NRXN3: variants seen among roughly 807,000 people sequenced by gnomAD.
NRXN3 encodes neurexin III.
NRXN3 carries 32 observed loss-of-function variants against 137.6 expected under a neutral mutation model. The observed-to-expected ratio is 0.23, with a 90% CI of 0.18 to 0.31. The LOEUF (loss-of-function observed/expected upper bound fraction) is 0.31. Among genes scored for constraint, NRXN3 ranks in the 10% least tolerant of loss-of-function variants. NRXN3 has a pLI of 1.00. For synonymous variants in NRXN3, 798 were observed against 784.5 expected (o/e 1.02, Z -0.29); for missense variants, 1,574 against 2,062.5 (o/e 0.76, Z 4.59).
chr14:79,648,742 A>G (rs1005297103), intron 16 of NRXN3, among the ~76,000 whole-genome samples: 3 of 152,066 alleles, frequency 2.0e-5, no homozygotes, highest in Admixed American at 6.6e-5. Context: ...CCAGTATGCA[A>G]TGACTACTCA....
intron 15 of NRXN3, among the ~76,000 whole-genome samples, chr14:79,241,726 G>T (rs1418658885): frequency 5.9e-5 from 9 of 152,102 alleles, no homozygotes. Flanking sequence ...ATTACTTGAG[G>T]ATTTATCTTG....
chr14:78,233,915 C>G (rs748606043), intron 1 of NRXN3, among the ~76,000 whole-genome samples: 29 of 152,182 alleles, frequency 1.9e-4, no homozygotes, highest in Non-Finnish European at 3.7e-4. Context: ...TTAGCTGTGT[C>G]CCCACCCAAA....
chr14:79,798,283 T>C (rs914437423), intron 19 of NRXN3, among the ~76,000 whole-genome samples: 9 of 152,182 alleles, frequency 5.9e-5, no homozygotes, highest in African/African-American at 1.9e-4. Context: ...ATTAGGTAAT[T>C]GAAAAACTCA....
intron 4 of NRXN3, among the ~76,000 whole-genome samples, chr14:78,436,510 A>C (rs1203022601): frequency 6.6e-6 from 1 of 152,176 alleles, no homozygotes; most frequent in African/African-American, 2.4e-5. Context: ...TTATTCCAGC[A>C]GTTTACTCTA....
chr14:78,303,264 A>G (rs2077045935), intron 4 of NRXN3, among the ~76,000 whole-genome samples: 1 of 152,048 alleles, frequency 6.6e-6, no homozygotes, highest in African/African-American at 2.4e-5. Flanking sequence ...TTTTCCTTGA[A>G]TGCTCCATTC....
At chr14:78,979,116 G>C (rs113174459) in intron 14 of NRXN3, among the ~76,000 whole-genome samples, 61 of 152,056 alleles carry the variant, frequency 4.0e-4, no homozygotes, top group African/African-American at 1.4e-3. Context: ...CTCACACTGG[G>C]GACCATCTGC....
intron 16 of NRXN3, among the ~76,000 whole-genome samples, chr14:79,474,812 GAAGAAGGAAGAGAGGGA>G (rs1292441730): frequency 1.3e-5 from 2 of 152,008 alleles, no homozygotes; most frequent in East Asian, 3.9e-4. Context: ...GGAAAGAAGA[GAAGAAGGAAGAGAGGGA>G]AAGAGGAGGA....
chr14:79,811,476 T>G (rs1267725144), intron 20 of NRXN3, among the ~76,000 whole-genome samples: 1 of 152,188 alleles, frequency 6.6e-6, no homozygotes, highest in Non-Finnish European at 1.5e-5. Flanking sequence ...GATCTATAAA[T>G]GAATATAGTA....
At chr14:79,548,116 C>G (rs138180574) in intron 16 of NRXN3, among the ~76,000 whole-genome samples, 1 of 151,940 alleles carries the variant, frequency 6.6e-6, no homozygotes, top group African/African-American at 2.4e-5. Context: ...TATACATATG[C>G]CATGGTGGTT....
intron 15 of NRXN3, among the ~76,000 whole-genome samples, chr14:79,263,370 C>T (rs1319468329): frequency 6.6e-6 from 1 of 151,476 alleles, no homozygotes; most frequent in African/African-American, 2.4e-5. Context: ...AGGAAGACAT[C>T]CCTCTGCCCT....
At chr14:78,409,247 C>T (rs2092684433) in intron 4 of NRXN3, among the ~76,000 whole-genome samples, 1 of 152,182 alleles carries the variant, frequency 6.6e-6, no homozygotes, top group Admixed American at 6.5e-5. Flanking sequence ...ATGCTAGGTA[C>T]CATTCTATGT....
intron 4 of NRXN3, among the ~76,000 whole-genome samples, chr14:78,320,105 G>A (rs995474598): frequency 6.6e-6 from 1 of 152,132 alleles, no homozygotes; most frequent in East Asian, 1.9e-4. Context: ...GTGTCTTCAG[G>A]GATGCTGTAT....
At chr14:78,367,828 G>C (rs1365289962) in intron 4 of NRXN3, among the ~76,000 whole-genome samples, 2 of 152,148 alleles carry the variant, frequency 1.3e-5, no homozygotes, top group African/African-American at 4.8e-5. Context: ...TTGCTTCCAG[G>C]GTCTGGATAA....
At chr14:79,499,745 C>G (rs1346096346) in intron 16 of NRXN3, among the ~76,000 whole-genome samples, 1 of 152,094 alleles carries the variant, frequency 6.6e-6, no homozygotes, top group Non-Finnish European at 1.5e-5. Context: ...TCATCTATCT[C>G]CCTTCATACC....
rs913937672 is a variant in NRXN3 at position 78,863,166 on chromosome 14, T to C, written c.2275+52822T>C. 3.9e-5 allele frequency among the ~76,000 whole-genome samples: 6 copies of C among 152,244 alleles called. No individual in the cohort carries two copies. The South Asian group carries it at 8.3e-4, about 21-fold the overall frequency. On this transcript the variant is annotated intron_variant, in intron 10 of 20. Transcript: ENST00000335750. Reference sequence around the variant, plus strand: ...TGTGAGTCCACAAGTCAGGCTACAATACAACATCCTCAATCTGACAAGAAA... The same window carrying C: ...TGTGAGTCCACAAGTCAGGCTACAACACAACATCCTCAATCTGACAAGAAA...
chr14:78,697,614 A>G (rs1054056142), intron 6 of NRXN3, among the ~76,000 whole-genome samples: 1 of 152,008 alleles, frequency 6.6e-6, no homozygotes, highest in African/African-American at 2.4e-5. Context: ...CTCATAGGTA[A>G]AAGTATTAGG....
intron 4 of NRXN3, among the ~76,000 whole-genome samples, chr14:78,464,416 G>T (rs1239964407): frequency 1.3e-5 from 2 of 152,114 alleles, no homozygotes; most frequent in African/African-American, 2.4e-5. Context: ...GAGGCTGTTG[G>T]GATGACTGAG....
Position 79,340,626 on chromosome 14 carries a change from C to T in NRXN3, c.3263-126595C>T, listed in dbSNP as rs533578143. On this transcript the variant is annotated intron_variant, in intron 15 of 20. Coordinates refer to ENST00000335750, the MANE Select transcript of NRXN3 (RefSeq NM_001330195.2). ...GATTACAGGCATGCACCACCACGCC[C>T]GGCTAATTTTGTATTTTTAGCAGAG... Among the ~76,000 whole-genome samples the T allele has an allele frequency of 1.1e-3, 173 of 152,200 alleles. 1 individual carries two copies. The highest frequency in any genetic ancestry group is 3.9e-3 in the African/African-American group (163 of 41,538).
intron 2 of NRXN3, among the ~76,000 whole-genome samples, chr14:78,256,130 G>A (rs1276168115): frequency 6.6e-6 from 1 of 151,986 alleles, no homozygotes; most frequent in African/African-American, 2.4e-5. Flanking sequence ...ACAATTATAG[G>A]CAGTAGCCAG....
Sources: gnomAD v4.1 joint callset for allele counts (sites outside exome capture counted in the v4.1 genomes callset) on GRCh38, gnomAD v4.1.1 for gene constraint, MANE v1.5 for transcripts, NCBI Gene and HGNC (gene_info 2026-07-23, HGNC 2026-07-21) for gene names.